Variants in CSMD1 observed in about 807,000 individuals in gnomAD.
The protein encoded by CSMD1 is CUB and sushi domain-containing protein 1.
In CSMD1, 213 loss-of-function variants were observed where a neutral mutation model predicts 417.5. That is an observed-to-expected ratio of 0.51 (90% CI 0.46 to 0.57). The LOEUF (loss-of-function observed/expected upper bound fraction) is 0.57, where lower values mean the gene tolerates loss of function less well. Among genes scored for constraint, CSMD1 ranks in the 20% least tolerant of loss-of-function variants. The pLI is 0.00. For synonymous variants in CSMD1, 2,862 were observed against 1,736.8 expected (o/e 1.65, Z -16.11); for missense variants, 6,923 against 4,529.7 (o/e 1.53, Z -15.17).
chr8:3,682,302 G>A (rs1799707296), intron 7 of CSMD1, among the ~76,000 whole-genome samples: 1 of 151,982 alleles, frequency 6.6e-6, no homozygotes, highest in Admixed American at 6.6e-5. Context: ...TCTGACAAAG[G>A]GCTAATATCC....
Position 4,210,087 on chromosome 8 carries a change from C to T in CSMD1, c.416-177988G>A, listed in dbSNP as rs118074224. ...AAGTCCCACCTCCTACCTCACCAGC[C>T]CTGTACCAGGAGAGCTCCTGATCAT... On this transcript the variant is annotated intron_variant, in intron 3 of 69. Coordinates refer to ENST00000635120, the MANE Select transcript of CSMD1 (RefSeq NM_033225.6). 3.0e-3 allele frequency among the ~76,000 whole-genome samples: 455 copies of T among 152,254 alleles called. 1 individual carries two copies. Among genetic ancestry groups the T allele is most frequent in the Admixed American group, 5.6e-3 (85 of 15,288 alleles).
At chr8:4,351,904 A>G (rs1801116921) in intron 3 of CSMD1, among the ~76,000 whole-genome samples, 1 of 151,972 alleles carries the variant, frequency 6.6e-6, no homozygotes, top group Non-Finnish European at 1.5e-5. Context: ...TACAGAAACC[A>G]AACTGTAGAA....
intron 3 of CSMD1, among the ~76,000 whole-genome samples, chr8:4,092,342 G>C (rs1233297213): frequency 2.0e-5 from 3 of 152,152 alleles, no homozygotes; most frequent in East Asian, 1.9e-4. Context: ...TGCTCCAGGA[G>C]AATCATGACG....
At chr8:4,827,471 C>A (rs563014336) in intron 1 of CSMD1, among the ~76,000 whole-genome samples, 1 of 152,142 alleles carries the variant, frequency 6.6e-6, no homozygotes, top group African/African-American at 2.4e-5. Flanking sequence ...CAAGTCAAAA[C>A]AAAGTGCACT....
chr8:3,925,523 A>C (rs1809591561), intron 5 of CSMD1, among the ~76,000 whole-genome samples: 1 of 152,208 alleles, frequency 6.6e-6, no homozygotes, highest in African/African-American at 2.4e-5. Context: ...TCCCCACTCA[A>C]AACTTCCAGA....
chr8:4,307,602 C>T (rs557565818), intron 3 of CSMD1, among the ~76,000 whole-genome samples: 2 of 152,178 alleles, frequency 1.3e-5, no homozygotes, highest in Admixed American at 6.5e-5. Flanking sequence ...CTGTACCCAC[C>T]CAACTTGTGA....
intron 7 of CSMD1, among the ~76,000 whole-genome samples, chr8:3,705,201 G>A (rs1045877036): frequency 1.3e-5 from 2 of 152,174 alleles, no homozygotes; most frequent in South Asian, 2.1e-4. Flanking sequence ...GCTGCTTTCT[G>A]CACTGAAGGC....
chr8:4,065,235 A>G (rs1013381714), intron 3 of CSMD1, among the ~76,000 whole-genome samples: 21 of 152,210 alleles, frequency 1.4e-4, no homozygotes, highest in East Asian at 3.8e-4. Flanking sequence ...CACATAAACA[A>G]TTACAGTGCA....
intron 1 of CSMD1, among the ~76,000 whole-genome samples, chr8:4,742,832 A>G (rs1470087942): frequency 1.3e-5 from 2 of 152,204 alleles, no homozygotes; most frequent in Admixed American, 6.5e-5. Context: ...GAGCATTTTT[A>G]TATATCAAAT....
chr8:3,482,323 A>C (rs76189363), intron 11 of CSMD1, among the ~76,000 whole-genome samples: 4,507 of 152,274 alleles, frequency 0.03, 266 homozygotes, highest in East Asian at 0.19. Context: ...TAGTAAAAGA[A>C]ACAAAAGACA....
intron 2 of CSMD1, among the ~76,000 whole-genome samples, chr8:4,466,694 C>A (rs1209984198): frequency 6.6e-6 from 1 of 152,066 alleles, no homozygotes; most frequent in Non-Finnish European, 1.5e-5. Context: ...TCTCCAGTCC[C>A]AGCTTTTTAA....
intron 11 of CSMD1, among the ~76,000 whole-genome samples, chr8:3,469,653 T>G (rs905644152): frequency 6.6e-6 from 1 of 152,200 alleles, no homozygotes; most frequent in African/African-American, 2.4e-5. Flanking sequence ...AATAGGAAGC[T>G]TGACTTTCAG....
At chr8:4,489,697 T>C (rs1048919769) in intron 2 of CSMD1, among the ~76,000 whole-genome samples, 4 of 152,146 alleles carry the variant, frequency 2.6e-5, no homozygotes, top group Non-Finnish European at 4.4e-5. Context: ...GCAGGTGAGA[T>C]TGCAGCACCC....
chr8:2,946,767 C>T (rs535410527), intron 68 of CSMD1, among the ~76,000 whole-genome samples: 8 of 152,288 alleles, frequency 5.3e-5, no homozygotes, highest in African/African-American at 1.2e-4. Flanking sequence ...AATGGAATTG[C>T]TGGAGCTTAA....
chr8:3,640,509 A>C (rs945998058), intron 7 of CSMD1, among the ~76,000 whole-genome samples: 1 of 152,336 alleles, frequency 6.6e-6, no homozygotes, highest in African/African-American at 2.4e-5. Context: ...AAAATTGTGT[A>C]GGTTATCTCA....
At chr8:3,707,063 C>T (rs954821007) in intron 7 of CSMD1, among the ~76,000 whole-genome samples, 1 of 152,054 alleles carries the variant, frequency 6.6e-6, no homozygotes, top group African/African-American at 2.4e-5. Context: ...TAGCTCCTCT[C>T]TGCCTCTGAG....
At chr8:4,294,803 G>C (rs1302967292) in intron 3 of CSMD1, among the ~76,000 whole-genome samples, 1 of 151,712 alleles carries the variant, frequency 6.6e-6, no homozygotes, top group Non-Finnish European at 1.5e-5. Flanking sequence ...CTGGAAAAAA[G>C]TGCTTACTTT....
At chr8:4,135,706 G>A (rs972840497) in intron 3 of CSMD1, among the ~76,000 whole-genome samples, 11 of 152,044 alleles carry the variant, frequency 7.2e-5, no homozygotes, top group Admixed American at 6.6e-4. Context: ...TATTATTATT[G>A]TAATAATATA....
rs570576185 is a variant in CSMD1 at position 3,243,002 on chromosome 8, C to T, written c.4154-12771G>A. ...GCTGCCTTCCGTAGTCCGTGACCAG[C>T]GCCGGAGTTTTGAGTCCACGGATAA... is the stretch of plus-strand genomic sequence containing the variant. On this transcript the variant is annotated intron_variant, in intron 26 of 69. Transcript: ENST00000635120. Among the ~76,000 whole-genome samples the T allele has an allele frequency of 1.9e-4, 29 of 152,140 alleles. No homozygotes were observed. In the South Asian group the frequency reaches 5.0e-3, roughly 26 times the overall value.
Sources: gnomAD v4.1 joint callset for allele counts (sites outside exome capture counted in the v4.1 genomes callset) on GRCh38, gnomAD v4.1.1 for gene constraint, MANE v1.5 for transcripts, NCBI Gene and HGNC (gene_info 2026-07-23, HGNC 2026-07-21) for gene names.